The following NPR1 variants were observed in gnomAD, a reference collection of about 807,000 sequenced individuals.
NPR1 encodes natriuretic peptide receptor 1.
In NPR1, 57 loss-of-function variants were observed where a neutral mutation model predicts 116.9. The observed-to-expected ratio is 0.49, with a 90% CI of 0.39 to 0.61. The LOEUF (loss-of-function observed/expected upper bound fraction) is 0.61, where lower values mean the gene tolerates loss of function less well. Ranked by LOEUF, NPR1 falls within the 20% of genes least tolerant of loss-of-function variation. The pLI is 0.00. For missense variants in NPR1, 1,096 were observed against 1,409.8 expected (o/e 0.78, Z 3.56); for synonymous variants, 555 against 601.6 (o/e 0.92, Z 1.13).
Position 153,679,462 on chromosome 1 carries a change from C to A in NPR1, c.354C>A (p.Cys118Ter). ...HNPAVFLGPG[C>*]VYAAAPVGRF... ...CCGCTGTGTTCCTGGGCCCCGGCTG[C>A]GTGTACGCCGCCGCCCCAGTGGGGC... The change falls in exon 1 of 22, where the codon TGC becomes TGA. Residue 118 changes from cysteine to a stop codon, truncating the protein, a stop_gained. Transcript: ENST00000368680. LOFTEE classifies it high-confidence loss of function. The surrounding 1 kb of genome is among the most constrained non-coding windows in gnomAD (Gnocchi z 4.2). 1.3e-6 allele frequency: 2 copies of A among 1,541,428 alleles called. No homozygotes were observed. The highest frequency in any genetic ancestry group is 1.7e-6 in the Non-Finnish European group (2 of 1,148,038).
Position 153,679,852 on chromosome 1 carries a change from C to T in NPR1, c.721+23C>T. The T allele has an allele frequency of 6.5e-7, 1 of 1,533,346 alleles. No homozygotes were observed. Among genetic ancestry groups the T allele is most frequent in the Non-Finnish European group, 8.7e-7 (1 of 1,145,534 alleles). The allele number at this position is 1,533,346 out of a possible 1,614,324, so 95.0% of individuals were successfully genotyped here. On this transcript the variant is annotated intron_variant, in intron 1 of 21. Coordinates refer to ENST00000368680, the MANE Select transcript of NPR1 (RefSeq NM_000906.4). This position sits in a 1 kb window ranked among gnomAD's most constrained non-coding sequence, Gnocchi z 4.2. ...GAGGTGAGACGCTGGCACACCCCGT[C>T]CCGCCGCTTAGCCGCAGGGCCTCCC...
intron 7 of NPR1, among the ~76,000 whole-genome samples, chr1:153,684,689 C>T (rs562295319): frequency 3.3e-5 from 5 of 152,248 alleles, no homozygotes; most frequent in Non-Finnish European, 7.4e-5. Context: ...TGTGCCTGGC[C>T]TCATGTTCAC....
In NPR1 at chr1:153,688,994, T is replaced by C; in HGVS notation, c.2459T>C (p.Met820Thr). Reference protein sequence around the residue: ...SNILDNLLSRMEQYANNLEEL... With the variant: ...SNILDNLLSRTEQYANNLEEL... ...ATCCTGGACAACCTGCTGTCCCGCA[T>C]GGAGCAGTACGCGAACAATCTGGAG... Residue 820 changes from methionine to threonine, a missense_variant, in exon 16 of 22, where the codon ATG (methionine) becomes ACG (threonine). Coordinates refer to ENST00000368680, the MANE Select transcript of NPR1 (RefSeq NM_000906.4). The C allele has an allele frequency of 6.2e-7, 1 of 1,614,152 alleles. No individual in the cohort carries two copies.
intron 21 of NPR1, 27 bp downstream of exon 21, chr1:153,693,224 C>T: frequency 1.2e-6 from 2 of 1,608,770 alleles, no homozygotes; most frequent in Middle Eastern, 1.7e-4. Context: ...CTGCCCTCCC[C>T]ACCTTTTGGG....
In NPR1 at chr1:153,678,816, T is replaced by TA; in HGVS notation, c.-291dup. On this transcript the variant is annotated 5_prime_UTR_variant, in exon 1 of 22. Coordinates refer to ENST00000368680, the MANE Select transcript of NPR1 (RefSeq NM_000906.4). The surrounding 1 kb of genome is among the most constrained non-coding windows in gnomAD (Gnocchi z 5.8). ...CTTTCTCTCTCTCTCTCTCTCTCTC[T>TA]AACACGCACGCACACTCCCAGTTGT... 1.3e-5 allele frequency: 5 copies of TA among 399,360 alleles called. No homozygotes were observed. Among genetic ancestry groups the TA allele is most frequent in the Non-Finnish European group, 2.2e-5 (5 of 227,852 alleles). 24.7% of individuals were successfully genotyped at this position (399,360 alleles called of 1,614,324 possible). A position where few individuals can be genotyped will look rare whatever the true frequency, so the allele number is the denominator to read the frequency against.
Position 153,689,722 on chromosome 1 carries a change from G to T in NPR1, c.2758-84G>T. The T allele has an allele frequency of 7.2e-7, 1 of 1,387,944 alleles. No individual in the cohort carries two copies. Among genetic ancestry groups the T allele is most frequent in the South Asian group, 1.4e-5 (1 of 71,332 alleles). The allele number at this position is 1,387,944 out of a possible 1,614,324, so 86.0% of individuals were successfully genotyped here. A position where few individuals can be genotyped will look rare whatever the true frequency, so the allele number is the denominator to read the frequency against. The stretch of plus-strand genomic sequence containing the variant: ...GCAAAGACAGATGAGGGTACAGAAT[G>T]ACAGACGCTGCACCCGGTGTGACGG... On this transcript the variant is annotated intron_variant, in intron 18 of 21. Coordinates refer to ENST00000368680, the MANE Select transcript of NPR1 (RefSeq NM_000906.4). The surrounding 1 kb of genome is among the most constrained non-coding windows in gnomAD (Gnocchi z 5.1).
At position 153,679,173 on chromosome 1, in the gene NPR1, C is replaced by T. The variant is rs1281961171; in HGVS notation, c.65C>T (p.Pro22Leu). 1.2e-5 allele frequency: 18 copies of T among 1,502,956 alleles called. No individual in the cohort carries two copies. Among genetic ancestry groups the T allele is most frequent in the Non-Finnish European group, 1.6e-5 (18 of 1,132,320 alleles). 93.1% of individuals were successfully genotyped at this position (1,502,956 alleles called of 1,614,324 possible). ...CTGCTCCTGCTCCTGCTGCTGCCGC[C>T]GCTGCTGCTGCTGCTCCGGGGCAGC... ...LRLLLLLLLP[P>L]LLLLLRGSHA... Residue 22 changes from proline to leucine, a missense_variant, in exon 1 of 22, where the codon CCG (proline) becomes CTG (leucine). Transcript: ENST00000368680. The surrounding 1 kb of genome is among the most constrained non-coding windows in gnomAD (Gnocchi z 4.2).
In NPR1 at chr1:153,682,468, A is replaced by T. The variant is rs201243793; in HGVS notation, c.1172-30A>T. The T allele has an allele frequency of 1.7e-4, 261 of 1,562,210 alleles. 2 individuals are homozygous for T. The East Asian group carries it at 5.5e-3, about 33-fold the overall frequency. ...GGCACCCCTGAACTTCTATTCTCTC[A>T]AACATAGTCATCTTCCCCCATGTCC... On this transcript the variant is annotated intron_variant, in intron 4 of 21. Coordinates refer to ENST00000368680, the MANE Select transcript of NPR1 (RefSeq NM_000906.4).
intron 21 of NPR1, 61 bp from the exon 22 acceptor site, chr1:153,693,291 C>T (rs1346095383): frequency 6.2e-7 from 1 of 1,603,090 alleles, no homozygotes; most frequent in Non-Finnish European, 8.5e-7. Flanking sequence ...CCCTAAGGCT[C>T]TCATCTGACT....
chr1:153,690,288 T>C lies in NPR1; in HGVS notation c.2937T>C (p.Pro979=), dbSNP rs1196716706. 3.2e-6 allele frequency: 5 copies of C among 1,555,972 alleles called. No homozygotes were observed. Among genetic ancestry groups the C allele is most frequent in the Non-Finnish European group, 3.5e-6 (4 of 1,148,300 alleles). The change falls in exon 20 of 22, where the codon CCT becomes CCC. Residue 979 remains proline, a synonymous_variant. Coordinates refer to ENST00000368680, the MANE Select transcript of NPR1 (RefSeq NM_000906.4). ...TCCTTCCCTTGCTCCTCCCAGGACCTGTGTGTGCTGGAGTGGTGGGACTGA... is the reference window on the plus strand; with the variant it reads ...TCCTTCCCTTGCTCCTCCCAGGACCCGTGTGTGCTGGAGTGGTGGGACTGA... ...LRLRIGIHTG[P]VCAGVVGLKM...
In NPR1 at chr1:153,679,021, G is replaced by A; in HGVS notation, c.-88G>A. ...CTCCTGCTCCTTCCCATAGGGACGCGCCTGATGCCTGGGACCGGCCGCTGA... is the reference window on the plus strand; with the variant it reads ...CTCCTGCTCCTTCCCATAGGGACGCACCTGATGCCTGGGACCGGCCGCTGA... On this transcript the variant is annotated 5_prime_UTR_variant, in exon 1 of 22. Coordinates refer to ENST00000368680, the MANE Select transcript of NPR1 (RefSeq NM_000906.4). This position sits in a 1 kb window ranked among gnomAD's most constrained non-coding sequence, Gnocchi z 4.2. 3 of 1,353,420 alleles carry A rather than the reference G, an allele frequency of 2.2e-6. No individual in the cohort carries two copies. The highest frequency in any genetic ancestry group is 2.8e-6 in the Non-Finnish European group (3 of 1,054,838). 83.8% of individuals were successfully genotyped at this position (1,353,420 alleles called of 1,614,324 possible). A position where few individuals can be genotyped will look rare whatever the true frequency, so the allele number is the denominator to read the frequency against.
In NPR1 at chr1:153,682,549, T is replaced by A. The variant is rs1669811465; in HGVS notation, c.1223T>A (p.Phe408Tyr). Residue 408 changes from phenylalanine to tyrosine, a missense_variant, in exon 5 of 22, where the codon TTC (phenylalanine) becomes TAC (tyrosine). Coordinates refer to ENST00000368680, the MANE Select transcript of NPR1 (RefSeq NM_000906.4). ...AGCAGTGGCGATCGGGAAACAGACT[T>A]CTCCCTCTGGGATATGGATCCCGAG... is the stretch of plus-strand genomic sequence containing the variant. ...IDSSGDRETD[F>Y]SLWDMDPENG... 1 of 1,614,104 alleles carries A rather than the reference T, an allele frequency of 6.2e-7. No individual in the cohort carries two copies. The highest frequency in any genetic ancestry group is 8.5e-7 in the Non-Finnish European group (1 of 1,179,992).
chr1:153,687,743 G>A lies in NPR1; in HGVS notation c.2202G>A (p.Leu734=), dbSNP rs755779622. The change falls in exon 14 of 22, where the codon CTG becomes CTA. Residue 734 remains leucine, a synonymous_variant. Transcript: ENST00000368680. The part of the protein sequence containing the change: ...SFGIILQEIA[L]RSGVFHVEGL... ...GGATCATCCTTCAGGAGATTGCCCT[G>A]AGGAGTGGGGTCTTCCACGTGGAAG... is the stretch of plus-strand genomic sequence containing the variant. The A allele has an allele frequency of 1.9e-6, 3 of 1,602,698 alleles. No homozygotes were observed. The South Asian group carries it at 3.3e-5, about 18-fold the overall frequency.
rs909037813 is a variant in NPR1 at position 153,690,070 on chromosome 1, C to A, written c.2932+90C>A. 321 of 112,982 alleles carry A rather than the reference C, an allele frequency of 2.8e-3. 6 individuals are homozygous for A. The East Asian group carries it at 0.031, about 11-fold the overall frequency. 7.0% of individuals were successfully genotyped at this position (112,982 alleles called of 1,614,324 possible). ...CTGGCCCAGCCCCTCGCCCTTTCAT[C>A]TCTCTCTCTCTCTCTCTCTCTCTCT... On this transcript the variant is annotated intron_variant, in intron 19 of 21. Transcript: ENST00000368680.
chr1:153,680,926 C>A, intron 2 of NPR1: 1 of 600,666 alleles, frequency 1.7e-6, no homozygotes, highest in South Asian at 2.1e-5. Context: ...CACCAGCAGG[C>A]TAAAAAGATA....
intron 19 of NPR1, 46 bp downstream of exon 19, chr1:153,690,026 C>T (rs3895087): frequency 1.2e-5 from 18 of 1,451,792 alleles, no homozygotes; most frequent in Non-Finnish European, 1.6e-5. Flanking sequence ...GCCAAGGCTT[C>T]GCAAGGGAAA....
At position 153,679,433 on chromosome 1, in the gene NPR1, A is replaced by G; in HGVS notation, c.325A>G (p.Asn109Asp). The G allele has an allele frequency of 6.5e-7, 1 of 1,543,286 alleles. No individual in the cohort carries two copies. Residue 109 changes from asparagine to aspartate, a missense_variant, in exon 1 of 22, where the codon AAC becomes GAC. By Grantham distance (23) the Asn-to-Asp change is conservative (BLOSUM62 1). Transcript: ENST00000368680. The surrounding 1 kb of genome is among the most constrained non-coding windows in gnomAD (Gnocchi z 4.2). Reference sequence around the variant, plus strand: ...CGCGGTGGACCTCAAGTGGGAGCACAACCCCGCTGTGTTCCTGGGCCCCGG... The same window carrying G: ...CGCGGTGGACCTCAAGTGGGAGCACGACCCCGCTGTGTTCCTGGGCCCCGG... Reference protein sequence around the residue: ...LAAVDLKWEHNPAVFLGPGCV... With the variant: ...LAAVDLKWEHDPAVFLGPGCV...
intron 4 of NPR1, 90 bp downstream of exon 4, chr1:153,681,929 A>G (rs1669793107): frequency 2.0e-6 from 3 of 1,506,934 alleles, no homozygotes; most frequent in African/African-American, 2.8e-5. Context: ...ATTGTCCTGC[A>G]GCAGTTACCT....
At position 153,680,489 on chromosome 1, in the gene NPR1, G is replaced by A. The variant is rs111727143; in HGVS notation, c.722-12G>A. 25 of 1,613,652 alleles carry A rather than the reference G, an allele frequency of 1.5e-5. No individual in the cohort carries two copies. In the Admixed American group the frequency reaches 1.8e-4, roughly 12 times the overall value. On this transcript the variant is annotated splice_polypyrimidine_tract_variant and intron_variant, in intron 1 of 21. Transcript: ENST00000368680. ...CCTAGGCTTCTCTCTCTGACTCTCCGTCTTTCTCCAGTTATCTACATCTGC... is the reference window on the plus strand; with the variant it reads ...CCTAGGCTTCTCTCTCTGACTCTCCATCTTTCTCCAGTTATCTACATCTGC...
Sources: allele counts gnomAD v4.1 joint callset (sites outside exome capture counted in the v4.1 genomes callset), GRCh38; gene constraint gnomAD v4.1.1; non-coding constraint Gnocchi (gnomAD v3.1); transcripts MANE v1.5; gene names NCBI Gene and HGNC (gene_info 2026-07-23, HGNC 2026-07-21).